LRRC4C: variants seen among roughly 807,000 people sequenced by gnomAD.
The protein encoded by LRRC4C is leucine rich repeat containing 4C.
Under a neutral mutation model 33.6 loss-of-function variants are expected in LRRC4C, and 5 were observed. The observed-to-expected ratio is 0.15, with a 90% confidence interval of 0.08 to 0.31. The LOEUF is 0.31. LRRC4C is among the 10% of genes least tolerant of loss of function. The probability of loss-of-function intolerance (pLI) is 1.00; values close to 1 mark genes in which losing one functional copy is unlikely to be tolerated. For synonymous variants in LRRC4C, 329 were observed against 302.0 expected, an observed-to-expected ratio of 1.09 and a Z score of -0.93; for missense variants, 560 against 796.7, an observed-to-expected ratio of 0.70 and a Z score of 3.58.
chr11:40,428,024 A>G (rs1302027785), intron 3 of LRRC4C, among the ~76,000 whole-genome samples: 1 of 152,212 alleles, frequency 6.6e-6, no homozygotes, highest in Non-Finnish European at 1.5e-5. Flanking sequence ...TTTATAAGGC[A>G]TTCTGAATCA....
At position 41,257,082 on chromosome 11, in the gene LRRC4C, C is replaced by T. The variant is rs572753299; in HGVS notation, c.-496+202349G>A. On this transcript the variant is annotated intron_variant, in intron 1 of 6. Transcript: ENST00000528697. ...TCAAACAACCAAACCACCATGAACA[C>T]CCATGAGTGTTCAGGGTTTGTTCTT... Among the ~76,000 whole-genome samples, 21 of 152,046 alleles carry T rather than the reference C, an allele frequency of 1.4e-4. No individual in the cohort carries two copies. In the South Asian group the frequency reaches 3.9e-3, roughly 28 times the overall value.
intron 2 of LRRC4C, among the ~76,000 whole-genome samples, chr11:40,778,012 T>C (rs577483309): frequency 1.3e-5 from 2 of 152,288 alleles, no homozygotes; most frequent in Non-Finnish European, 2.9e-5. Flanking sequence ...TTAATTCAAC[T>C]TACCACCCTG....
At chr11:41,138,950 C>T (rs190151352) in intron 1 of LRRC4C, among the ~76,000 whole-genome samples, 15 of 152,190 alleles carry the variant, frequency 9.9e-5, no homozygotes, top group African/African-American at 3.6e-4. Context: ...CTAGCTTCCC[C>T]AATAAAAGCC....
chr11:40,304,958 G>T (rs1039248570), intron 4 of LRRC4C, among the ~76,000 whole-genome samples: 4 of 152,060 alleles, frequency 2.6e-5, no homozygotes, highest in Non-Finnish European at 4.4e-5. Flanking sequence ...TAGAGACAGG[G>T]TTTCACCGTG....
intron 5 of LRRC4C, among the ~76,000 whole-genome samples, chr11:40,191,184 T>C (rs970587027): frequency 1.3e-5 from 2 of 152,158 alleles, no homozygotes; most frequent in Admixed American, 1.3e-4. Context: ...GAACCTAGGT[T>C]AATGTGACTC....
At chr11:40,280,924 T>C (rs1355002875) in intron 4 of LRRC4C, among the ~76,000 whole-genome samples, 1 of 152,026 alleles carries the variant, frequency 6.6e-6, no homozygotes. Context: ...TCGCATTCTG[T>C]CTAAAAGCGA....
intron 1 of LRRC4C, among the ~76,000 whole-genome samples, chr11:41,324,801 C>T (rs1591269095): frequency 1.3e-5 from 2 of 152,290 alleles, no homozygotes; most frequent in African/African-American, 4.8e-5. Context: ...AAGCTGTGTA[C>T]ACCTATGAAT....
At chr11:40,656,865 G>T (rs1943148038) in intron 2 of LRRC4C, among the ~76,000 whole-genome samples, 1 of 152,114 alleles carries the variant, frequency 6.6e-6, no homozygotes, top group Non-Finnish European at 1.5e-5. Context: ...CTCCTAAAGT[G>T]GTTGGTAAAT....
In LRRC4C at chr11:41,436,738, C is replaced by T. The variant is rs1455463783; in HGVS notation, c.-496+22693G>A. ...ATGCCACTTCTCTAAATCATTTTGC[C>T]TTGCAGACCACAACACAGCATCAAA... is the stretch of plus-strand genomic sequence containing the variant. On this transcript the variant is annotated intron_variant, in intron 1 of 6. Coordinates refer to ENST00000528697, the MANE Select transcript of LRRC4C (RefSeq NM_001258419.2). Among the ~76,000 whole-genome samples, 4 of 152,252 alleles carry T rather than the reference C, an allele frequency of 2.6e-5. No homozygotes were observed. The East Asian group carries it at 7.7e-4, about 29-fold the overall frequency.
At chr11:41,140,564 T>C (rs760276807) in intron 1 of LRRC4C, among the ~76,000 whole-genome samples, 13 of 152,314 alleles carry the variant, frequency 8.5e-5, no homozygotes, top group South Asian at 2.1e-4. Flanking sequence ...AAATAGAGAA[T>C]AGGCCCATTG....
chr11:40,647,462 A>C (rs922869386), intron 3 of LRRC4C, among the ~76,000 whole-genome samples: 1 of 152,080 alleles, frequency 6.6e-6, no homozygotes, highest in African/African-American at 2.4e-5. Context: ...TTGACTCTTG[A>C]TGGTATAACA....
In LRRC4C at chr11:41,314,650, G is replaced by A. The variant is rs776115203; in HGVS notation, c.-496+144781C>T. Among the ~76,000 whole-genome samples, 44 of 152,112 alleles carry A rather than the reference G, an allele frequency of 2.9e-4. 1 individual carries two copies. Among genetic ancestry groups the A allele is most frequent in the Non-Finnish European group, 1.5e-5 (1 of 68,020 alleles). On this transcript the variant is annotated intron_variant, in intron 1 of 6. Coordinates refer to ENST00000528697, the MANE Select transcript of LRRC4C (RefSeq NM_001258419.2). ...AACATCACACACCAGGGCCTGTCAGGGGTGCGGGGCCGTGGGAGGGGTAGC... is the reference window on the plus strand; with the variant it reads ...AACATCACACACCAGGGCCTGTCAGAGGTGCGGGGCCGTGGGAGGGGTAGC...
Position 41,418,777 on chromosome 11 carries a change from C to T in LRRC4C, c.-496+40654G>A, listed in dbSNP as rs192342868. ...AGTTTGCTCATATGTTAAATTGGGA[C>T]AATGAATTGTATTGATTGGGTCGTT... is the stretch of plus-strand genomic sequence containing the variant. On this transcript the variant is annotated intron_variant, in intron 1 of 6. Coordinates refer to ENST00000528697, the MANE Select transcript of LRRC4C (RefSeq NM_001258419.2). 5.7e-3 allele frequency among the ~76,000 whole-genome samples: 871 copies of T among 151,944 alleles called. 8 individuals carry two copies. Among genetic ancestry groups the T allele is most frequent in the African/African-American group, 0.02 (840 of 41,478 alleles).
intron 1 of LRRC4C, among the ~76,000 whole-genome samples, chr11:41,287,183 G>T (rs899165492): frequency 1.3e-5 from 2 of 152,146 alleles, no homozygotes; most frequent in African/African-American, 4.8e-5. Context: ...TAAGTGTACT[G>T]AAAACCTATA....
chr11:40,981,816 G>A (rs535553020), intron 1 of LRRC4C, among the ~76,000 whole-genome samples: 2 of 152,140 alleles, frequency 1.3e-5, no homozygotes, highest in South Asian at 4.1e-4. Flanking sequence ...CATTAGCCAA[G>A]GTGATAATAT....
chr11:40,695,570 C>T (rs1490812700), intron 2 of LRRC4C, among the ~76,000 whole-genome samples: 3 of 152,154 alleles, frequency 2.0e-5, no homozygotes, highest in Admixed American at 6.6e-5. Context: ...TTCTGGAGGT[C>T]AGAAGTCTGA....
At chr11:40,426,233 T>C (rs1950710998) in intron 3 of LRRC4C, among the ~76,000 whole-genome samples, 1 of 152,024 alleles carries the variant, frequency 6.6e-6, no homozygotes, top group African/African-American at 2.4e-5. Flanking sequence ...CAGGATTGTC[T>C]CGATCTCCTG....
At chr11:40,334,052 T>C (rs1946485983) in intron 3 of LRRC4C, among the ~76,000 whole-genome samples, 1 of 152,090 alleles carries the variant, frequency 6.6e-6, no homozygotes, top group Admixed American at 6.5e-5. Context: ...AACAAAAACT[T>C]CCTTAGTGGA....
chr11:41,378,751 A>G (rs184647932), intron 1 of LRRC4C, among the ~76,000 whole-genome samples: 13 of 152,266 alleles, frequency 8.5e-5, no homozygotes, highest in African/African-American at 2.9e-4. Flanking sequence ...TGTTGTAAAC[A>G]TAACTAGTCT....
Sources: gnomAD v4.1 joint callset for allele counts (sites outside exome capture counted in the v4.1 genomes callset) on GRCh38, gnomAD v4.1.1 for gene constraint, MANE v1.5 for transcripts, NCBI Gene and HGNC (gene_info 2026-07-23, HGNC 2026-07-21) for gene names.